Variants in PCYT2 observed in about 807,000 individuals in gnomAD.
The protein encoded by PCYT2 is phosphate cytidylyltransferase 2, ethanolamine.
Under a neutral mutation model 50.0 loss-of-function variants are expected in PCYT2, and 33 were observed. That is an observed-to-expected ratio of 0.66 (90% CI 0.50 to 0.88). PCYT2 has a LOEUF of 0.88. Among genes scored for constraint, PCYT2 ranks in the 40% least tolerant of loss-of-function variants. The pLI is 0.00. For missense variants in PCYT2, 430 were observed against 519.7 expected (o/e 0.83, Z 1.68); for synonymous variants, 240 against 203.7 (o/e 1.18, Z -1.52).
In PCYT2 at chr17:81,902,976, A is replaced by G. The variant is rs1270561196; in HGVS notation, c.*1857T>C. ...GACCTGGAAATCCCCAAGCCTGGGT[A>G]TGAGAAGGCAGCCGAGTGTGCGGCG... On this transcript the variant is annotated 3_prime_UTR_variant, in exon 13 of 13. Coordinates refer to ENST00000538936, the MANE Select transcript of PCYT2 (RefSeq NM_002861.5). 2.0e-6 allele frequency: 1 copy of G among 505,286 alleles called. No homozygotes were observed. Among genetic ancestry groups the G allele is most frequent in the African/African-American group, 2.0e-5 (1 of 49,394 alleles). The allele number at this position is 505,286 out of a possible 1,614,324, so 31.3% of individuals were successfully genotyped here.
In PCYT2 at chr17:81,900,972, G is replaced by A. The variant is rs1296326690; in HGVS notation, c.*3861C>T. On this transcript the variant is annotated 3_prime_UTR_variant, in exon 13 of 13. Transcript: ENST00000538936. Reference sequence around the variant, plus strand: ...AGGACTCTATATGAAGAGTATATATGAAGAGTTTATTGGGAGTATTGACTC... The same window carrying A: ...AGGACTCTATATGAAGAGTATATATAAAGAGTTTATTGGGAGTATTGACTC... 2.6e-5 allele frequency: 4 copies of A among 152,214 alleles called. No individual in the cohort carries two copies. The highest frequency in any genetic ancestry group is 5.9e-5 in the Non-Finnish European group (4 of 68,042). 9.4% of individuals were successfully genotyped at this position (152,214 alleles called of 1,614,324 possible). A position where few individuals can be genotyped will look rare whatever the true frequency, so the allele number is the denominator to read the frequency against.
chr17:81,905,417 T>G lies in PCYT2; in HGVS notation c.934A>C (p.Ile312Leu). 6.4e-7 allele frequency: 1 copy of G among 1,566,064 alleles called. No homozygotes were observed. The highest frequency in any genetic ancestry group is 8.7e-7 in the Non-Finnish European group (1 of 1,155,310). Residue 312 changes from isoleucine to leucine, a missense_variant, in exon 11 of 13, where the codon ATT (isoleucine) becomes CTT (leucine). Ile to Leu is a conservative substitution (Grantham distance 5). Transcript: ENST00000538936. ...VDLVCHGKTE[I>L]IPDRDGSDPY... ...TCGGAGCCATCCCTGTCAGGGATAA[T>G]TTCTGTCTTGCCGTGACACACCAGG... is the stretch of plus-strand genomic sequence containing the variant.
In PCYT2 at chr17:81,902,161, C is replaced by CG; in HGVS notation, c.*2671dup. On this transcript the variant is annotated 3_prime_UTR_variant, in exon 13 of 13. Coordinates refer to ENST00000538936, the MANE Select transcript of PCYT2 (RefSeq NM_002861.5). ...CGCGCCCGCTGCACCCCAGCCCGCC[C>CG]GCCGCCCCTCCCGGCCCTCCGCAGC... is the stretch of plus-strand genomic sequence containing the variant. 9.9e-7 allele frequency: 1 copy of CG among 1,008,322 alleles called. No individual in the cohort carries two copies. Among genetic ancestry groups the CG allele is most frequent in the Non-Finnish European group, 1.3e-6 (1 of 798,264 alleles). The allele number at this position is 1,008,322 out of a possible 1,614,324, so 62.5% of individuals were successfully genotyped here.
At chr17:81,906,433 C>T (rs2040270590) in intron 8 of PCYT2, 31 bp downstream of exon 8, 5 of 1,600,554 alleles carry the variant, frequency 3.1e-6, no homozygotes. Context: ...CATCAGCTGC[C>T]CAGGGGCCCA....
chr17:81,903,044 C>T lies in PCYT2; in HGVS notation c.*1789G>A, dbSNP rs2040027500. 1 of 408,752 alleles carries T rather than the reference C, an allele frequency of 2.4e-6. No individual in the cohort carries two copies. The highest frequency in any genetic ancestry group is 5.8e-5 in the South Asian group (1 of 17,382). 25.3% of individuals were successfully genotyped at this position (408,752 alleles called of 1,614,324 possible). On this transcript the variant is annotated 3_prime_UTR_variant, in exon 13 of 13. Coordinates refer to ENST00000538936, the MANE Select transcript of PCYT2 (RefSeq NM_002861.5). ...TGGGCCGCCCAGAGGTCTTCAGACCCAGGGGCGAAGCTGGCCACGACCCAG... is the reference window on the plus strand; with the variant it reads ...TGGGCCGCCCAGAGGTCTTCAGACCTAGGGGCGAAGCTGGCCACGACCCAG...
chr17:81,902,740 G>T lies in PCYT2; in HGVS notation c.*2093C>A. 2 of 1,605,828 alleles carry T rather than the reference G, an allele frequency of 1.2e-6. No homozygotes were observed. Among genetic ancestry groups the T allele is most frequent in the East Asian group, 2.2e-5 (1 of 44,496 alleles). On this transcript the variant is annotated 3_prime_UTR_variant, in exon 13 of 13. Transcript: ENST00000538936. ...GTCCCTGCGCGCAGCCGACTGCCTC[G>T]CCGCCTGAGCCCGGACCTCTCCTGG... is the stretch of plus-strand genomic sequence containing the variant.
At position 81,907,927 on chromosome 17, in the gene PCYT2, C is replaced by G. The variant is rs1236289615; in HGVS notation, c.408-70G>C. The G allele has an allele frequency of 4.0e-6, 5 of 1,264,288 alleles. No homozygotes were observed. In the African/African-American group the frequency reaches 7.4e-5, roughly 19 times the overall value. The allele number at this position is 1,264,288 out of a possible 1,614,324, so 78.3% of individuals were successfully genotyped here. A position where few individuals can be genotyped will look rare whatever the true frequency, so the allele number is the denominator to read the frequency against. On this transcript the variant is annotated intron_variant, in intron 4 of 12. Transcript: ENST00000538936. ...AAGGCTCTGCCTCCTGCTACCACCACTAGGGACACTAGCAGCCCTGCTGTG... is the reference window on the plus strand; with the variant it reads ...AAGGCTCTGCCTCCTGCTACCACCAGTAGGGACACTAGCAGCCCTGCTGTG...
chr17:81,907,463 G>A, intron 6 of PCYT2, 91 bp downstream of exon 6: 1 of 1,392,832 alleles, frequency 7.2e-7, no homozygotes, highest in African/African-American at 1.4e-5. Context: ...GAGGCTCTGG[G>A]CTGGCCTTTC....
chr17:81,906,241 C>A, intron 8 of PCYT2, 64 bp from the exon 9 acceptor site: 3 of 1,412,722 alleles, frequency 2.1e-6, no homozygotes, highest in African/African-American at 1.4e-5. Flanking sequence ...GTGCCCCTCC[C>A]GGCTGTCCCT....
intron 8 of PCYT2, 77 bp from the exon 9 acceptor site, chr17:81,906,254 T>A: frequency 7.4e-7 from 1 of 1,355,214 alleles, no homozygotes; most frequent in African/African-American, 1.4e-5. Flanking sequence ...CTGTCCCTCA[T>A]GGGAAGAAGT....
chr17:81,902,924 C>T lies in PCYT2; in HGVS notation c.*1909G>A. 1 of 578,730 alleles carries T rather than the reference C, an allele frequency of 1.7e-6. No individual in the cohort carries two copies. The allele number at this position is 578,730 out of a possible 1,614,324, so 35.8% of individuals were successfully genotyped here. On this transcript the variant is annotated 3_prime_UTR_variant, in exon 13 of 13. Coordinates refer to ENST00000538936, the MANE Select transcript of PCYT2 (RefSeq NM_002861.5). ...CCTCGGAGTGAGGGGTGCTGGAGGA[C>T]TGGCAGCCAGGCCACGAGGGGAACG...
rs1261844678 is a variant in PCYT2 at position 81,909,023 on chromosome 17, G to A, written c.193C>T (p.His65Tyr). 2 of 1,613,598 alleles carry A rather than the reference G, an allele frequency of 1.2e-6. No homozygotes were observed. Among genetic ancestry groups the A allele is most frequent in the Non-Finnish European group, 1.7e-6 (2 of 1,179,946 alleles). Residue 65 changes from histidine (H) to tyrosine (Y), a missense_variant, in exon 3 of 13, where the codon CAC (histidine) becomes TAC (tyrosine). His to Tyr is a moderately conservative substitution (Grantham distance 83). Coordinates refer to ENST00000538936, the MANE Select transcript of PCYT2 (RefSeq NM_002861.5). ...TGAGTGAACACCGGGGGCCCCTTGT[G>A]CTTGGCGATCTCCTCTAGGAAAAGG... ...GVHTDEEIAK[H>Y]KGPPVFTQEE...
Position 81,909,541 on chromosome 17 carries a change from A to G in PCYT2, c.151T>C (p.Tyr51His). 1 of 1,613,554 alleles carries G rather than the reference A, an allele frequency of 6.2e-7. No homozygotes were observed. The highest frequency in any genetic ancestry group is 1.1e-5 in the South Asian group (1 of 91,088). The change falls in exon 2 of 13, where the codon TAC (tyrosine) becomes CAC (histidine). Residue 51 changes from tyrosine to histidine, a missense_variant. Around this residue, in one of 4 missense-constraint regions of PCYT2, gnomAD observed 117 missense variants for 163.9 expected, o/e 0.71. Coordinates refer to ENST00000538936, the MANE Select transcript of PCYT2 (RefSeq NM_002861.5). ...TCGGTGTGCACGCCTACGATGAGGT[A>G]GTCACCCATGGCCCGTGCCTGGCGC... The part of the protein sequence containing the change: ...QLRQARAMGD[Y>H]LIVGVHTDEE...
rs780451386 is a variant in PCYT2, at chr17:81,902,588, G to GGCCCCTCAGCCTTTGCTTGCCT, written c.*2223_*2244dup. On this transcript the variant is annotated 3_prime_UTR_variant, in exon 13 of 13. Transcript: ENST00000538936. ...GGCAGGACGTGGGTGGGGGTGCGGCGGCCCCTCAGCCTTTGCTTGCCTGCC... is the reference window on the plus strand; with the variant it reads ...GGCAGGACGTGGGTGGGGGTGCGGCGGCCCCTCAGCCTTTGCTTGCCTGCCCCTCAGCCTTTGCTTGCCTGCC... 2 of 1,526,790 alleles carry GGCCCCTCAGCCTTTGCTTGCCT rather than the reference G, an allele frequency of 1.3e-6. No homozygotes were observed. The highest frequency in any genetic ancestry group is 1.2e-5 in the South Asian group (1 of 82,470). 94.6% of individuals were successfully genotyped at this position (1,526,790 alleles called of 1,614,324 possible).
intron 4 of PCYT2, 55 bp downstream of exon 4, chr17:81,908,513 G>T: frequency 7.3e-7 from 1 of 1,362,390 alleles, no homozygotes; most frequent in Non-Finnish European, 1.0e-6. Context: ...GCACGAGCCA[G>T]GAGGGAGCCC....
In PCYT2 at chr17:81,905,059, A is replaced by C; in HGVS notation, c.1058+7T>G. The C allele has an allele frequency of 6.2e-7, 1 of 1,608,612 alleles. No individual in the cohort carries two copies. The highest frequency in any genetic ancestry group is 8.5e-7 in the Non-Finnish European group (1 of 1,176,638). ...GGCGGCTCCGAGGTGCCCCCACCCAACTGCACCTGTTGGTGATGATCCGCT... is the reference window on the plus strand; with the variant it reads ...GGCGGCTCCGAGGTGCCCCCACCCACCTGCACCTGTTGGTGATGATCCGCT... On this transcript the variant is annotated splice_region_variant and intron_variant, in intron 12 of 12. Transcript: ENST00000538936.
chr17:81,911,083 G>C (rs2040576103), intron 1 of PCYT2, 184 bp downstream of exon 1: 2 of 1,002,424 alleles, frequency 2.0e-6, no homozygotes, highest in South Asian at 4.7e-5. Flanking sequence ...GCCCACGGCA[G>C]GGCGCGGAGC....
rs1189782361 is a variant in PCYT2 at position 81,902,596 on chromosome 17, A to G, written c.*2237T>C. The G allele has an allele frequency of 3.9e-6, 6 of 1,544,636 alleles. No individual in the cohort carries two copies. Among genetic ancestry groups the G allele is most frequent in the Non-Finnish European group, 5.2e-6 (6 of 1,151,654 alleles). Reference sequence around the variant, plus strand: ...GTGGGTGGGGGTGCGGCGGCCCCTCAGCCTTTGCTTGCCTGCCCCCCAGGC... The same window carrying G: ...GTGGGTGGGGGTGCGGCGGCCCCTCGGCCTTTGCTTGCCTGCCCCCCAGGC... On this transcript the variant is annotated 3_prime_UTR_variant, in exon 13 of 13. Transcript: ENST00000538936.
In PCYT2 at chr17:81,904,365, G is replaced by A. The variant is rs963792280; in HGVS notation, c.*468C>T. 1.2e-4 allele frequency: 19 copies of A among 159,036 alleles called. No individual in the cohort carries two copies. The highest frequency in any genetic ancestry group is 6.4e-5 in the Admixed American group (1 of 15,722). 9.9% of individuals were successfully genotyped at this position (159,036 alleles called of 1,614,324 possible). On this transcript the variant is annotated 3_prime_UTR_variant, in exon 13 of 13. Coordinates refer to ENST00000538936, the MANE Select transcript of PCYT2 (RefSeq NM_002861.5). ...CAAGCGTGTTTTCCTGGAGCCAGGC[G>A]CTGGGTGGCAGGACACCGTGTTGGG...
Sources: allele counts gnomAD v4.1 joint callset, GRCh38; gene constraint gnomAD v4.1.1; regional missense constraint gnomAD v4.1.1; transcripts MANE v1.5; gene names NCBI Gene and HGNC (gene_info 2026-07-23, HGNC 2026-07-21).